CHIC2: variants seen among roughly 807,000 people sequenced by gnomAD.
The protein encoded by CHIC2 is cysteine rich hydrophobic domain 2, also known as cysteine-rich hydrophobic domain-containing protein 2.
A neutral mutation model predicts 25.9 loss-of-function variants in CHIC2; 14 were observed. That is an observed-to-expected ratio of 0.54 (90% confidence interval 0.36 to 0.85). CHIC2 has a LOEUF of 0.85. Ranked by LOEUF, CHIC2 falls within the 40% of genes least tolerant of loss-of-function variation. The pLI is 0.01. For synonymous variants in CHIC2, 70 were observed against 72.0 expected (o/e 0.97, Z 0.14); for missense variants, 146 against 202.0 (o/e 0.72, Z 1.68).
chr4:54,071,876 G>A, the CHIC2 span, among the ~76,000 whole-genome samples: 1 of 152,114 alleles, frequency 6.6e-6, no homozygotes, highest in Non-Finnish European at 1.5e-5. Flanking sequence ...TTCATACCAT[G>A]TGTACACATT....
At chr4:54,080,116 A>C in the CHIC2 span, among the ~76,000 whole-genome samples, 1 of 149,644 alleles carries the variant, frequency 6.7e-6, no homozygotes, top group Non-Finnish European at 1.5e-5. Flanking sequence ...AAAATTTGGT[A>C]TATATATATA....
At chr4:54,020,923 C>A (rs2110063951) in intron 3 of CHIC2, among the ~76,000 whole-genome samples, 1 of 152,292 alleles carries the variant, frequency 6.6e-6, no homozygotes, top group Non-Finnish European at 1.5e-5. Context: ...ACCCACATTC[C>A]CATGGTGGCA....
intron 3 of CHIC2, among the ~76,000 whole-genome samples, chr4:54,043,610 T>G (rs1716667615): frequency 6.6e-6 from 1 of 152,060 alleles, no homozygotes; most frequent in Non-Finnish European, 1.5e-5. Flanking sequence ...TGCTGAGAGA[T>G]TCTGTCAGCA....
At chr4:54,038,111 C>A (rs1716448649) in intron 3 of CHIC2, among the ~76,000 whole-genome samples, 8 of 152,044 alleles carry the variant, frequency 5.3e-5, no homozygotes, top group Admixed American at 5.2e-4. Flanking sequence ...TCCTATTCAG[C>A]ATTTTATTAG....
chr4:54,052,632 A>G lies in CHIC2; in HGVS notation c.120-3327T>C, dbSNP rs534378620. On this transcript the variant is annotated intron_variant, in intron 1 of 5. Transcript: ENST00000263921. Reference sequence around the variant, plus strand: ...ACTAATCCAAAAAGCCAGAAGTAACACTTGGATAATTTTTAAAAATATGAT... The same window carrying G: ...ACTAATCCAAAAAGCCAGAAGTAACGCTTGGATAATTTTTAAAAATATGAT... Among the ~76,000 whole-genome samples, 3 of 152,310 alleles carry G rather than the reference A, an allele frequency of 2.0e-5. No individual in the cohort carries two copies. The South Asian group carries it at 6.2e-4, about 32-fold the overall frequency.
chr4:54,016,108 T>C (rs1715730348), intron 3 of CHIC2, among the ~76,000 whole-genome samples: 1 of 152,208 alleles, frequency 6.6e-6, no homozygotes, highest in South Asian at 2.1e-4. Context: ...CTTTTACTGA[T>C]GATTTTGGGG....
At chr4:54,066,083 G>A (rs140753686), upstream of CHIC2, among the ~76,000 whole-genome samples, 83 of 152,300 alleles carry the variant, frequency 5.4e-4, no homozygotes, top group Admixed American at 2.2e-3. Flanking sequence ...TCTCTGCCAG[G>A]GGCTCATGGA....
chr4:54,040,332 C>T (rs370875035), intron 3 of CHIC2, among the ~76,000 whole-genome samples: 63 of 152,106 alleles, frequency 4.1e-4, no homozygotes, highest in African/African-American at 1.4e-3. Flanking sequence ...TTTGGGAGGC[C>T]GAGGCAGGCA....
At chr4:54,054,087 A>T (rs1465901625) in intron 1 of CHIC2, among the ~76,000 whole-genome samples, 1 of 152,192 alleles carries the variant, frequency 6.6e-6, no homozygotes, top group Non-Finnish European at 1.5e-5. Context: ...TACACCCGGC[A>T]GACAAATATT....
At chr4:54,017,914 G>A (rs1715787246) in intron 3 of CHIC2, among the ~76,000 whole-genome samples, 1 of 152,132 alleles carries the variant, frequency 6.6e-6, no homozygotes, top group African/African-American at 2.4e-5. Context: ...TTTTAATACA[G>A]CCATTCAGCT....
the CHIC2 span, among the ~76,000 whole-genome samples, chr4:54,071,942 G>A: frequency 6.6e-6 from 1 of 151,980 alleles, no homozygotes; most frequent in Non-Finnish European, 1.5e-5. Flanking sequence ...AATCCATGTT[G>A]TTTCTCTTAG....
At chr4:54,072,154 G>A in the CHIC2 span, among the ~76,000 whole-genome samples, 3 of 152,116 alleles carry the variant, frequency 2.0e-5, no homozygotes, top group African/African-American at 7.2e-5. Flanking sequence ...TTATCTGGGT[G>A]TCATGGCGCG....
Position 54,019,520 on chromosome 4 carries a change from G to C in CHIC2, c.331-5401C>G, listed in dbSNP as rs550051793. Among the ~76,000 whole-genome samples the C allele has an allele frequency of 4.6e-5, 7 of 152,182 alleles. No individual in the cohort carries two copies. The South Asian group carries it at 1.5e-3, about 32-fold the overall frequency. On this transcript the variant is annotated intron_variant, in intron 3 of 5. Transcript: ENST00000263921. ...CTAATCTTAAACAGAATTTCATCAA[G>C]TTTACGATCTAGGCTAGTGAGAGAA...
At chr4:54,071,894 A>G in the CHIC2 span, among the ~76,000 whole-genome samples, 1 of 152,158 alleles carries the variant, frequency 6.6e-6, no homozygotes, top group African/African-American at 2.4e-5. Context: ...ATTTGGTTCA[A>G]AATTTGTCCC....
chr4:54,027,499 A>T (rs1373735263), intron 3 of CHIC2, among the ~76,000 whole-genome samples: 1 of 152,242 alleles, frequency 6.6e-6, no homozygotes, highest in Non-Finnish European at 1.5e-5. Flanking sequence ...AGCATTCTTT[A>T]AAATGGAACT....
At chr4:54,073,762 G>A in the CHIC2 span, among the ~76,000 whole-genome samples, 1 of 152,180 alleles carries the variant, frequency 6.6e-6, no homozygotes, top group African/African-American at 2.4e-5. Context: ...ATACAGCAAG[G>A]CTAGAAGAAA....
At chr4:54,053,307 A>T (rs1418727692) in intron 1 of CHIC2, among the ~76,000 whole-genome samples, 1 of 152,182 alleles carries the variant, frequency 6.6e-6, no homozygotes, top group Non-Finnish European at 1.5e-5. Flanking sequence ...CTGTGATCCC[A>T]GCACTTTGGG....
intron 3 of CHIC2, among the ~76,000 whole-genome samples, chr4:54,027,426 G>C (rs1406575043): frequency 6.6e-6 from 1 of 152,116 alleles, no homozygotes; most frequent in Admixed American, 6.5e-5. Flanking sequence ...AAAACAAATT[G>C]TCACTAGTGT....
At chr4:54,087,193 C>T in the CHIC2 span, 7 of 689,826 alleles carry the variant, frequency 1.0e-5, no homozygotes, top group Non-Finnish European at 1.8e-5. Context: ...GGGGCAGTAC[C>T]AGCAAAGCAC....
Sources: gnomAD v4.1 joint callset for allele counts (sites outside exome capture counted in the v4.1 genomes callset) on GRCh38, gnomAD v4.1.1 for gene constraint, MANE v1.5 for transcripts, NCBI Gene and HGNC (gene_info 2026-07-23, HGNC 2026-07-21) for gene names.